RNF125: variants seen among roughly 807,000 people sequenced by gnomAD.
The protein encoded by RNF125 is E3 ubiquitin-protein ligase RNF125.
A neutral mutation model predicts 26.0 loss-of-function variants in RNF125; 21 were observed. The ratio of observed to expected loss-of-function variants is 0.81; its 90% CI spans 0.57 to 1.16. RNF125 has a LOEUF of 1.16. RNF125 is among the 50% of genes most tolerant of loss of function. The pLI is 0.00. For synonymous variants in RNF125, 95 were observed against 109.2 expected (o/e 0.87, Z 0.81); for missense variants, 270 against 299.4 (o/e 0.90, Z 0.72).
Position 32,025,664 on chromosome 18 carries a change from C to CAA in RNF125, c.164+6660_164+6661dup, listed in dbSNP as rs34054474. 1.7e-3 allele frequency among the ~76,000 whole-genome samples: 113 copies of CAA among 64,778 alleles called. 1 individual carries two copies. Among genetic ancestry groups the CAA allele is most frequent in the Admixed American group, 4.5e-3 (25 of 5,546 alleles). The allele number at this position is 64,778 out of a possible 152,430, so 42.5% of individuals were successfully genotyped here. On this transcript the variant is annotated intron_variant, in intron 1 of 5. Coordinates refer to ENST00000217740, the MANE Select transcript of RNF125 (RefSeq NM_017831.4). ...GGGTGACAAGAGTGAAACTCTGTCTCAAAAAAAAAAAAAAAAAAAAAAAAG... is the reference window on the plus strand; with the variant it reads ...GGGTGACAAGAGTGAAACTCTGTCTCAAAAAAAAAAAAAAAAAAAAAAAAAAG...
chr18:32,022,334 A>G (rs979709132), intron 1 of RNF125, among the ~76,000 whole-genome samples: 1 of 152,212 alleles, frequency 6.6e-6, no homozygotes, highest in African/African-American at 2.4e-5. Context: ...AGAGAGCTGG[A>G]TTTGAAATTC....
chr18:32,050,865 CTTTTTTTTTTTTTTTTT>C (rs531751585), intron 4 of RNF125, among the ~76,000 whole-genome samples: 1,461 of 46,426 alleles, frequency 0.031, 61 homozygotes, highest in African/African-American at 0.1. Flanking sequence ...GTCTAGAGTG[CTTTTTTTTTTTTTTTTT>C]TTTTTTTTTT....
chr18:32,089,999 A>C, the RNF125 span, among the ~76,000 whole-genome samples: 1 of 152,348 alleles, frequency 6.6e-6, no homozygotes, highest in African/African-American at 2.4e-5. Context: ...TAATTCCAGC[A>C]CTTTGGGAGG....
chr18:32,060,877 G>A (rs998202875), intron 4 of RNF125, among the ~76,000 whole-genome samples: 7 of 152,132 alleles, frequency 4.6e-5, no homozygotes, highest in South Asian at 2.1e-4. Flanking sequence ...GCCTATTAAC[G>A]TCAGACTAAC....
At chr18:32,048,060 C>T (rs1217170552) in intron 4 of RNF125, among the ~76,000 whole-genome samples, 2 of 151,070 alleles carry the variant, frequency 1.3e-5, no homozygotes, top group African/African-American at 2.4e-5. Flanking sequence ...CCTGGAAGGA[C>T]GGAGGTTGAA....
At chr18:32,033,969 TA>T (rs371872089) in intron 1 of RNF125, among the ~76,000 whole-genome samples, 3,553 of 139,082 alleles carry the variant, frequency 0.026, 95 homozygotes, top group African/African-American at 0.075. Context: ...AACATACCTT[TA>T]AAAAAAAAAA....
chr18:32,058,054 G>A (rs868793756), intron 4 of RNF125, among the ~76,000 whole-genome samples: 4 of 149,308 alleles, frequency 2.7e-5, no homozygotes, highest in African/African-American at 9.9e-5. Context: ...GTTACTTAAA[G>A]CCAGGAGTTT....
At chr18:32,027,833 A>G (rs762752098) in intron 1 of RNF125, among the ~76,000 whole-genome samples, 1 of 152,174 alleles carries the variant, frequency 6.6e-6, no homozygotes, top group East Asian at 1.9e-4. Flanking sequence ...CATACAAAAT[A>G]TGAAAACTGA....
At chr18:32,026,474 A>G (rs1034639028) in intron 1 of RNF125, among the ~76,000 whole-genome samples, 1 of 152,000 alleles carries the variant, frequency 6.6e-6, no homozygotes, top group Non-Finnish European at 1.5e-5. Context: ...TCCTGACCTC[A>G]GGTGATCTGC....
chr18:32,038,952 G>C lies in RNF125; in HGVS notation c.318+1683G>C, dbSNP rs532816173. 8.6e-5 allele frequency among the ~76,000 whole-genome samples: 13 copies of C among 151,646 alleles called. No individual in the cohort carries two copies. In the South Asian group the frequency reaches 2.7e-3, roughly 32 times the overall value. On this transcript the variant is annotated intron_variant, in intron 2 of 5. Transcript: ENST00000217740. ...GTCTAACTTTTGTATTTTCAGTAGA[G>C]ACACAGTTTCACCATGTTGGCCAGT...
At chr18:32,049,523 G>C (rs2039303806) in intron 4 of RNF125, among the ~76,000 whole-genome samples, 1 of 151,548 alleles carries the variant, frequency 6.6e-6, no homozygotes, top group South Asian at 2.1e-4. Flanking sequence ...ATCAGGCCTA[G>C]AGAAGATTTC....
At chr18:32,020,631 C>T (rs117682190) in intron 1 of RNF125, among the ~76,000 whole-genome samples, 18 of 151,452 alleles carry the variant, frequency 1.2e-4, no homozygotes, top group East Asian at 2.0e-4. Context: ...TTTTGACGCC[C>T]GGCGTGGTGG....
intron 4 of RNF125, among the ~76,000 whole-genome samples, chr18:32,055,609 A>T (rs574380166): frequency 6.6e-6 from 1 of 152,312 alleles, no homozygotes; most frequent in African/African-American, 2.4e-5. Flanking sequence ...TGAGAACAGC[A>T]TGGGGGAAAC....
intron 1 of RNF125, among the ~76,000 whole-genome samples, chr18:32,027,030 G>T (rs946322145): frequency 3.3e-5 from 5 of 152,224 alleles, no homozygotes; most frequent in African/African-American, 9.6e-5. Flanking sequence ...GAATGAATGG[G>T]TACCCCAAAG....
chr18:32,089,841 TTAA>T, the RNF125 span, among the ~76,000 whole-genome samples: 10,432 of 152,226 alleles, frequency 0.069, 682 homozygotes, highest in African/African-American at 0.17. Context: ...GGTCACAAAA[TTAA>T]TGTTATGGTT....
the RNF125 span, among the ~76,000 whole-genome samples, chr18:32,083,865 T>C: frequency 6.7e-6 from 1 of 149,624 alleles, no homozygotes; most frequent in African/African-American, 2.5e-5. Context: ...ATTGTGCCAC[T>C]GTACTACAGC....
intron 4 of RNF125, among the ~76,000 whole-genome samples, chr18:32,065,430 G>T (rs531648922): frequency 5.9e-5 from 9 of 152,038 alleles, no homozygotes; most frequent in African/African-American, 1.9e-4. Context: ...TAGAGACAGG[G>T]TTTCACCATC....
At chr18:32,045,973 T>C (rs1030948709) in intron 4 of RNF125, among the ~76,000 whole-genome samples, 1 of 152,048 alleles carries the variant, frequency 6.6e-6, no homozygotes, top group African/African-American at 2.4e-5. Context: ...ATCATGGGCA[T>C]AATCAACTAA....
Position 32,018,924 on chromosome 18 carries a change from G to T in RNF125, c.61G>T (p.Ala21Ser), listed in dbSNP as rs778500736. The T allele has an allele frequency of 1.2e-6, 2 of 1,611,328 alleles. No individual in the cohort carries two copies. Among genetic ancestry groups the T allele is most frequent in the East Asian group, 2.2e-5 (1 of 44,764 alleles). Residue 21 changes from alanine (A) to serine (S), a missense_variant, in exon 1 of 6, where the codon GCC (alanine) becomes TCC (serine). Physicochemically the swap from Ala to Ser is moderately conservative, Grantham distance 99 (BLOSUM62 1). Transcript: ENST00000217740. ...GGCGCCCGCCTCTGCCACCGCGCGG[G>T]CCCTGGAGCGCAGGAGGGACCCGGA... ...KSAPASATAR[A>S]LERRRDPELP...
Sources: gnomAD v4.1 joint callset for allele counts (sites outside exome capture counted in the v4.1 genomes callset) on GRCh38, gnomAD v4.1.1 for gene constraint, MANE v1.5 for transcripts, NCBI Gene and HGNC (gene_info 2026-07-23, HGNC 2026-07-21) for gene names.